The following KCNQ3 variants were observed in gnomAD, a reference collection of about 807,000 sequenced individuals.
The protein encoded by KCNQ3 is potassium voltage-gated channel subfamily KQT member 3.
KCNQ3 carries 30 observed loss-of-function variants against 92.5 expected under a neutral mutation model. The observed-to-expected ratio is 0.32, with a 90% CI of 0.24 to 0.44. The LOEUF (loss-of-function observed/expected upper bound fraction) is 0.44. Among genes scored for constraint, KCNQ3 ranks in the 20% least tolerant of loss-of-function variants. The probability of loss-of-function intolerance (pLI) is 1.00; values close to 1 mark genes in which losing one functional copy is unlikely to be tolerated. For missense variants in KCNQ3, 913 were observed against 1,140.3 expected (o/e 0.80, Z 2.87); for synonymous variants, 450 against 468.8 (o/e 0.96, Z 0.52).
intron 10 of KCNQ3, chr8:132,140,691 C>G: frequency 4.0e-6 from 1 of 252,252 alleles, no homozygotes; most frequent in South Asian, 5.6e-5. Flanking sequence ...TTCTGCATGT[C>G]CTCCCTTTGC....
chr8:132,472,945 T>C (rs548373417), intron 1 of KCNQ3, among the ~76,000 whole-genome samples: 85 of 152,318 alleles, frequency 5.6e-4, no homozygotes, highest in South Asian at 4.1e-3. Context: ...GGCAGTATTA[T>C]CTTAATATTA....
At position 132,148,480 on chromosome 8, in the gene KCNQ3, G is replaced by A. The variant is rs578010208; in HGVS notation, c.1263-7149C>T. Among the ~76,000 whole-genome samples the A allele has an allele frequency of 3.9e-5, 6 of 152,322 alleles. No homozygotes were observed. In the South Asian group the frequency reaches 6.2e-4, roughly 16 times the overall value. ...TTTCTTTACAGCTTTCACACTGTTC[G>A]TGGTAGAGCTGGGAGAACCAAATAA... On this transcript the variant is annotated intron_variant, in intron 9 of 14. Transcript: ENST00000388996.
chr8:132,172,667 G>A lies in KCNQ3; in HGVS notation c.1071C>T (p.Leu357=), dbSNP rs17575754. 1.8e-5 allele frequency: 29 copies of A among 1,613,734 alleles called. No homozygotes were observed. In the South Asian group the frequency reaches 2.9e-4, roughly 16 times the overall value. The change falls in exon 7 of 15, where the codon CTC becomes CTT. Residue 357 remains leucine, a synonymous_variant. Transcript: ENST00000388996. The part of the protein sequence containing the change: ...PAGILGSGLA[L]KVQEQHRQKH... ...TCTGACGGTGTTGCTCCTGCACCTTGAGGGCCAGCCCGGACCCCAGGATGC... is the reference window on the plus strand; with the variant it reads ...TCTGACGGTGTTGCTCCTGCACCTTAAGGGCCAGCCCGGACCCCAGGATGC...
rs545997027 is a variant in KCNQ3, at chr8:132,395,543, C to A, written c.386+84604G>T. 5.5e-4 allele frequency among the ~76,000 whole-genome samples: 83 copies of A among 152,284 alleles called. 1 individual carries two copies. Among genetic ancestry groups the A allele is most frequent in the African/African-American group, 2.0e-3 (83 of 41,542 alleles). ...AACAATCACCTTTTTAAAACTCAAC[C>A]AAACATCTTAGCTCAGAGCAATTCA... On this transcript the variant is annotated intron_variant, in intron 1 of 14. Transcript: ENST00000388996.
intron 1 of KCNQ3, among the ~76,000 whole-genome samples, chr8:132,438,411 T>C (rs1322312757): frequency 6.6e-6 from 1 of 152,034 alleles, no homozygotes; most frequent in Non-Finnish European, 1.5e-5. Context: ...CCTCCTTCTA[T>C]CTGAGGAACT....
intron 1 of KCNQ3, among the ~76,000 whole-genome samples, chr8:132,319,822 G>A (rs889478843): frequency 1.3e-4 from 20 of 152,146 alleles, no homozygotes; most frequent in African/African-American, 4.3e-4. Context: ...ACAGGGACAT[G>A]GGGCCTGAAG....
intron 1 of KCNQ3, among the ~76,000 whole-genome samples, chr8:132,473,661 T>G (rs1483263863): frequency 6.6e-6 from 1 of 152,202 alleles, no homozygotes; most frequent in Non-Finnish European, 1.5e-5. Flanking sequence ...ATAACTTACT[T>G]ACAACACTTC....
intron 1 of KCNQ3, among the ~76,000 whole-genome samples, chr8:132,400,596 G>A (rs1343328062): frequency 6.6e-6 from 1 of 152,242 alleles, no homozygotes. Context: ...CCAGGCTTCT[G>A]AGGAAGCCCA....
chr8:132,448,940 A>G (rs918492971), intron 1 of KCNQ3, among the ~76,000 whole-genome samples: 7 of 152,216 alleles, frequency 4.6e-5, no homozygotes, highest in African/African-American at 1.2e-4. Flanking sequence ...CTGAGAGAGA[A>G]AAAAGGCCAA....
At chr8:132,130,023 A>ACCAC (rs1824820766) in intron 14 of KCNQ3, 27 bp from the exon 15 acceptor site, 1 of 1,610,228 alleles carries the variant, frequency 6.2e-7, no homozygotes, top group East Asian at 2.2e-5. Context: ...GCTGTGAATT[A>ACCAC]CCACTTTCTC....
chr8:132,260,031 T>G (rs73358938), intron 1 of KCNQ3, among the ~76,000 whole-genome samples: 5,400 of 152,256 alleles, frequency 0.035, 349 homozygotes, highest in African/African-American at 0.12. Flanking sequence ...CATCCTGTGT[T>G]CATAGACTAG....
intron 1 of KCNQ3, among the ~76,000 whole-genome samples, chr8:132,451,168 G>T (rs1359261258): frequency 6.6e-6 from 1 of 152,194 alleles, no homozygotes; most frequent in Non-Finnish European, 1.5e-5. Flanking sequence ...CTCATGAGAT[G>T]TGACAATTTT....
At chr8:132,149,906 C>G (rs1825582821) in intron 9 of KCNQ3, among the ~76,000 whole-genome samples, 2 of 152,170 alleles carry the variant, frequency 1.3e-5, no homozygotes, top group South Asian at 4.1e-4. Context: ...CCAGCTCTGT[C>G]CCACAATAGT....
At chr8:132,408,896 G>C (rs535463141) in intron 1 of KCNQ3, among the ~76,000 whole-genome samples, 103 of 152,300 alleles carry the variant, frequency 6.8e-4, no homozygotes, top group Admixed American at 2.2e-3. Context: ...GCTTGGAAGA[G>C]GACCCTGAGC....
intron 1 of KCNQ3, among the ~76,000 whole-genome samples, chr8:132,357,280 C>G (rs73343884): frequency 6.6e-6 from 1 of 152,146 alleles, no homozygotes; most frequent in South Asian, 2.1e-4. Context: ...GGTAATTCAG[C>G]GAAGCAAGAG....
At chr8:132,361,710 T>C (rs1416888271) in intron 1 of KCNQ3, among the ~76,000 whole-genome samples, 1 of 151,772 alleles carries the variant, frequency 6.6e-6, no homozygotes, top group African/African-American at 2.4e-5. Context: ...TTTAGAAAAA[T>C]CAAAAGAACA....
chr8:132,306,632 C>A lies in KCNQ3; in HGVS notation c.387-120451G>T, dbSNP rs565732228. Among the ~76,000 whole-genome samples, 12 of 152,282 alleles carry A rather than the reference C, an allele frequency of 7.9e-5. No homozygotes were observed. In the East Asian group the frequency reaches 2.1e-3, roughly 27 times the overall value. On this transcript the variant is annotated intron_variant, in intron 1 of 14. Transcript: ENST00000388996. ...TAAATTTATACAAAAGGGGACAACA[C>A]TATAGGAAGCAGGCAAGCTAGCAAG... is the stretch of plus-strand genomic sequence containing the variant.
In KCNQ3 at chr8:132,292,920, T is replaced by G. The variant is rs1586901643; in HGVS notation, c.387-106739A>C. On this transcript the variant is annotated intron_variant, in intron 1 of 14. Coordinates refer to ENST00000388996, the MANE Select transcript of KCNQ3 (RefSeq NM_004519.4). ...TGCTAAACAGAGAGGCCAAGAAAAG[T>G]TTGAATGGACAAGCCTTGCTGGTGT... 2.0e-5 allele frequency among the ~76,000 whole-genome samples: 3 copies of G among 152,174 alleles called. No homozygotes were observed. In the South Asian group the frequency reaches 6.2e-4, roughly 31 times the overall value.
At chr8:132,307,437 C>T (rs891687944) in intron 1 of KCNQ3, among the ~76,000 whole-genome samples, 67 of 152,346 alleles carry the variant, frequency 4.4e-4, no homozygotes, top group African/African-American at 4.8e-5. Context: ...TAAGCTACAA[C>T]AACTACACTG....
Sources: allele counts gnomAD v4.1 joint callset (sites outside exome capture counted in the v4.1 genomes callset), GRCh38; gene constraint gnomAD v4.1.1; transcripts MANE v1.5; gene names NCBI Gene and HGNC (gene_info 2026-07-23, HGNC 2026-07-21).